The following TDRP variants were observed in gnomAD, a reference collection of about 807,000 sequenced individuals.
The protein encoded by TDRP is testis development-related protein.
In TDRP, 12 loss-of-function variants were observed where a neutral mutation model predicts 10.5. That is an observed-to-expected ratio of 1.15 (90% CI 0.73 to 1.86). The LOEUF (loss-of-function observed/expected upper bound fraction) is 1.86. TDRP is among the 40% of genes most tolerant of loss of function. The probability of loss-of-function intolerance (pLI) is 0.00; values close to 1 mark genes in which losing one functional copy is unlikely to be tolerated. For missense variants in TDRP, 353 were observed against 229.2 expected, an observed-to-expected ratio of 1.54 and a Z score of -3.49; for synonymous variants, 139 against 95.4, an observed-to-expected ratio of 1.46 and a Z score of -2.67.
At chr8:507,499 G>A (rs1032062904) in intron 1 of TDRP, among the ~76,000 whole-genome samples, 2 of 152,060 alleles carry the variant, frequency 1.3e-5, no homozygotes, top group Non-Finnish European at 2.9e-5. Context: ...AAACCATACA[G>A]CAATCAGCAG....
chr8:521,304 C>T (rs1449167697), intron 1 of TDRP, among the ~76,000 whole-genome samples: 1 of 150,288 alleles, frequency 6.7e-6, no homozygotes, highest in Middle Eastern at 3.6e-3. Flanking sequence ...GTAGTCCCAG[C>T]TACTTGGGAG....
intron 2 of TDRP, among the ~76,000 whole-genome samples, chr8:493,235 T>G (rs995353121): frequency 6.6e-6 from 1 of 152,232 alleles, no homozygotes; most frequent in Non-Finnish European, 1.5e-5. Flanking sequence ...AAGGAAATGG[T>G]AGCAAGCGAC....
intron 1 of TDRP, among the ~76,000 whole-genome samples, chr8:507,544 G>T (rs952906588): frequency 6.6e-6 from 1 of 152,078 alleles, no homozygotes; most frequent in Non-Finnish European, 1.5e-5. Context: ...ATGCGGTCAC[G>T]GACAGAGGAA....
chr8:512,780 G>A (rs543535360), intron 1 of TDRP, among the ~76,000 whole-genome samples: 3 of 152,058 alleles, frequency 2.0e-5, no homozygotes, highest in Admixed American at 2.0e-4. Flanking sequence ...TTTGAGAACA[G>A]CCTGGCCATG....
At chr8:522,767 G>C (rs537915136) in intron 1 of TDRP, among the ~76,000 whole-genome samples, 2 of 152,142 alleles carry the variant, frequency 1.3e-5, no homozygotes. Context: ...TTATCCCACA[G>C]CAATTACATA....
intron 1 of TDRP, among the ~76,000 whole-genome samples, chr8:496,456 C>G (rs1801138624): frequency 6.6e-6 from 1 of 152,210 alleles, no homozygotes; most frequent in Admixed American, 6.5e-5. Flanking sequence ...AGCAATGCCC[C>G]ATGAGACAGA....
chr8:501,007 C>T (rs186224951), intron 1 of TDRP, among the ~76,000 whole-genome samples: 1 of 152,098 alleles, frequency 6.6e-6, no homozygotes, highest in Non-Finnish European at 1.5e-5. Context: ...GAGATCGAGA[C>T]CATCCTGGCT....
intron 1 of TDRP, among the ~76,000 whole-genome samples, chr8:538,842 C>G (rs1261959967): frequency 1.3e-5 from 2 of 152,196 alleles, no homozygotes; most frequent in Non-Finnish European, 2.9e-5. Context: ...GATCTAAAAT[C>G]TTGAAGACAT....
chr8:544,709 C>T lies in TDRP; in HGVS notation c.49G>A (p.Glu17Lys). 8.0e-7 allele frequency: 1 copy of T among 1,245,464 alleles called. No individual in the cohort carries two copies. The highest frequency in any genetic ancestry group is 1.0e-6 in the Non-Finnish European group (1 of 995,152). 77.2% of individuals were successfully genotyped at this position (1,245,464 alleles called of 1,614,324 possible). ...GRVLLDEPPE[E>K]EDGLRGGPPP... is the part of the protein sequence containing the mutation. ...GGCCCCCCACGCAGGCCGTCCTCCT[C>T]CTCGGGGGGCTCGTCCAGCAGCACT... Residue 17 changes from glutamate (E) to lysine (K), a missense_variant, in exon 1 of 3, where the codon GAG (glutamate) becomes AAG (lysine). Coordinates refer to ENST00000324079, the MANE Select transcript of TDRP (RefSeq NM_001384899.1).
At chr8:543,285 C>A (rs1281389877) in intron 1 of TDRP, among the ~76,000 whole-genome samples, 1 of 151,968 alleles carries the variant, frequency 6.6e-6, no homozygotes, top group Non-Finnish European at 1.5e-5. Flanking sequence ...TGCACTCCAG[C>A]CTAGTAAACG....
intron 1 of TDRP, among the ~76,000 whole-genome samples, chr8:520,939 T>A (rs1411890336): frequency 1.3e-5 from 2 of 152,196 alleles, no homozygotes; most frequent in Non-Finnish European, 2.9e-5. Flanking sequence ...TAAATTTTGA[T>A]ATGCTTCAAT....
At chr8:523,506 G>A (rs974650775) in intron 1 of TDRP, among the ~76,000 whole-genome samples, 4 of 152,198 alleles carry the variant, frequency 2.6e-5, no homozygotes, top group African/African-American at 9.6e-5. Flanking sequence ...TGGGGTCCCT[G>A]ATTCCAGGCC....
intron 1 of TDRP, among the ~76,000 whole-genome samples, chr8:536,201 A>G (rs1475795539): frequency 6.6e-6 from 1 of 152,220 alleles, no homozygotes; most frequent in African/African-American, 2.4e-5. Context: ...TACTAAAAGC[A>G]CACAGTTGAG....
chr8:527,844 T>G (rs35565482), intron 1 of TDRP, among the ~76,000 whole-genome samples: 2 of 151,996 alleles, frequency 1.3e-5, no homozygotes, highest in Non-Finnish European at 2.9e-5. Context: ...CTCCAGGACA[T>G]TGGACTAAGC....
intron 1 of TDRP, among the ~76,000 whole-genome samples, chr8:538,914 G>C (rs1214689335): frequency 6.6e-6 from 1 of 152,182 alleles, no homozygotes; most frequent in African/African-American, 2.4e-5. Context: ...CGTAAACCAG[G>C]ACCGCCTCTT....
rs1800925908 is a variant in TDRP at position 490,088 on chromosome 8, G to A, written c.*2311C>T. The A allele has an allele frequency of 1.3e-5, 2 of 152,226 alleles. No homozygotes were observed. The highest frequency in any genetic ancestry group is 2.9e-5 in the Non-Finnish European group (2 of 68,034). 9.4% of individuals were successfully genotyped at this position (152,226 alleles called of 1,614,324 possible). ...ACAACTCTCTTCACACAAGGAAGCT[G>A]TGTGTTTACACAATTCAAACACCCA... On this transcript the variant is annotated 3_prime_UTR_variant, in exon 3 of 3. Transcript: ENST00000324079.
intron 1 of TDRP, among the ~76,000 whole-genome samples, chr8:495,395 C>T (rs1801096998): frequency 6.6e-6 from 1 of 152,204 alleles, no homozygotes; most frequent in African/African-American, 2.4e-5. Flanking sequence ...GTGACCCTTG[C>T]CCTAACTTCT....
At position 499,146 on chromosome 8, in the gene TDRP, A is replaced by T. The variant is rs182338538; in HGVS notation, c.109-4549T>A. Among the ~76,000 whole-genome samples, 3 of 152,326 alleles carry T rather than the reference A, an allele frequency of 2.0e-5. No individual in the cohort carries two copies. In the East Asian group the frequency reaches 5.8e-4, roughly 29 times the overall value. ...AATGAGAATTATTGAAATATAAATT[A>T]TTACCTAGTGTTTCCATTGAAATTA... On this transcript the variant is annotated intron_variant, in intron 1 of 2. Transcript: ENST00000324079.
At chr8:502,223 A>T (rs1263524467) in intron 1 of TDRP, among the ~76,000 whole-genome samples, 2 of 152,242 alleles carry the variant, frequency 1.3e-5, no homozygotes, top group African/African-American at 4.8e-5. Flanking sequence ...GGGAACTCAC[A>T]GTGAACTTAT....
Sources: gnomAD v4.1 joint callset for allele counts (sites outside exome capture counted in the v4.1 genomes callset) on GRCh38, gnomAD v4.1.1 for gene constraint, MANE v1.5 for transcripts, NCBI Gene and HGNC (gene_info 2026-07-23, HGNC 2026-07-21) for gene names.